Variants in TASP1 observed in about 807,000 individuals in gnomAD.
TASP1 encodes taspase 1.
TASP1 carries 16 observed loss-of-function variants against 56.6 expected under a neutral mutation model. That is an observed-to-expected ratio of 0.28 (90% CI 0.19 to 0.43). The LOEUF (loss-of-function observed/expected upper bound fraction) is 0.43. Ranked by LOEUF, TASP1 falls within the 20% of genes least tolerant of loss-of-function variation. The pLI, the probability that TASP1 is intolerant of heterozygous loss-of-function variation, is 1.00. For synonymous variants in TASP1, 179 were observed against 184.2 expected, an observed-to-expected ratio of 0.97 and a Z score of 0.23; for missense variants, 393 against 511.6, an observed-to-expected ratio of 0.77 and a Z score of 2.24.
chr20:13,561,625 C>G (rs1329644119), intron 7 of TASP1, among the ~76,000 whole-genome samples: 1 of 152,128 alleles, frequency 6.6e-6, no homozygotes, highest in Non-Finnish European at 1.5e-5. Flanking sequence ...CATCAGCCTC[C>G]CAAAGTGCTG....
chr20:13,430,584 A>T (rs1163652977), intron 12 of TASP1, among the ~76,000 whole-genome samples: 1 of 152,224 alleles, frequency 6.6e-6, no homozygotes, highest in East Asian at 1.9e-4. Context: ...GAGCCCAAGG[A>T]GGAAGCCACA....
At chr20:13,238,715 G>A in the TASP1 span, among the ~76,000 whole-genome samples, 3 of 152,190 alleles carry the variant, frequency 2.0e-5, no homozygotes, top group Admixed American at 6.5e-5. Flanking sequence ...TCTGACCCAG[G>A]TGGTGGAGAA....
At chr20:13,556,994 T>A (rs1282434087) in intron 8 of TASP1, among the ~76,000 whole-genome samples, 1 of 152,240 alleles carries the variant, frequency 6.6e-6, no homozygotes, top group Non-Finnish European at 1.5e-5. Flanking sequence ...GCTTCCTCCA[T>A]CTTGTTCACC....
At chr20:13,132,540 T>G in the TASP1 span, among the ~76,000 whole-genome samples, 1 of 152,140 alleles carries the variant, frequency 6.6e-6, no homozygotes, top group African/African-American at 2.4e-5. Flanking sequence ...TATTATCTGT[T>G]TGCCCTCACT....
At chr20:13,593,632 T>C (rs546734976) in intron 4 of TASP1, among the ~76,000 whole-genome samples, 1 of 152,174 alleles carries the variant, frequency 6.6e-6, no homozygotes, top group Non-Finnish European at 1.5e-5. Flanking sequence ...CCTGCGAGGC[T>C]GCAGCCTGGT....
intron 10 of TASP1, among the ~76,000 whole-genome samples, chr20:13,504,032 T>G (rs895371676): frequency 1.3e-5 from 2 of 152,052 alleles, no homozygotes; most frequent in Non-Finnish European, 2.9e-5. Context: ...GAAAGACACA[T>G]AGCTTTTTTT....
chr20:13,408,880 A>G (rs1175648706), intron 13 of TASP1, among the ~76,000 whole-genome samples: 1 of 151,730 alleles, frequency 6.6e-6, no homozygotes. Flanking sequence ...TTTCCTAATC[A>G]TTCTTTCTAA....
intron 13 of TASP1, chr20:13,393,199 C>T (rs1347711155): frequency 1.6e-5 from 11 of 709,622 alleles, no homozygotes; most frequent in Non-Finnish European, 2.9e-5. Context: ...GGATTCATGA[C>T]CACAGTCCAC....
intron 11 of TASP1, among the ~76,000 whole-genome samples, chr20:13,448,697 T>C (rs1432519732): frequency 6.6e-6 from 1 of 152,154 alleles, no homozygotes; most frequent in Non-Finnish European, 1.5e-5. Context: ...AGTATCTTTG[T>C]AGAATGTCTT....
At chr20:13,519,133 A>G (rs1379541397) in intron 10 of TASP1, among the ~76,000 whole-genome samples, 2 of 152,144 alleles carry the variant, frequency 1.3e-5, no homozygotes, top group African/African-American at 4.8e-5. Context: ...CATTGGGTAC[A>G]CATGGACATA....
chr20:13,505,929 CA>C (rs2044113055), intron 10 of TASP1, among the ~76,000 whole-genome samples: 1 of 151,704 alleles, frequency 6.6e-6, no homozygotes, highest in African/African-American at 2.4e-5. Flanking sequence ...TAAATAAAAT[CA>C]AGACTAGATA....
At chr20:13,285,141 T>C in the TASP1 span, among the ~76,000 whole-genome samples, 1 of 151,954 alleles carries the variant, frequency 6.6e-6, no homozygotes, top group East Asian at 1.9e-4. Flanking sequence ...TTTTGAAAAC[T>C]TTGGCCAGGC....
chr20:13,204,300 C>T, the TASP1 span, among the ~76,000 whole-genome samples: 2 of 152,072 alleles, frequency 1.3e-5, no homozygotes, highest in Non-Finnish European at 2.9e-5. Flanking sequence ...CCTGTCTGAG[C>T]CACTTTTATT....
chr20:13,139,067 T>G, the TASP1 span, among the ~76,000 whole-genome samples: 1 of 152,212 alleles, frequency 6.6e-6, no homozygotes, highest in Admixed American at 6.5e-5. Context: ...AGCGTGATTC[T>G]TAAGCATCCA....
chr20:13,162,158 C>G, the TASP1 span, among the ~76,000 whole-genome samples: 2 of 152,120 alleles, frequency 1.3e-5, no homozygotes, highest in African/African-American at 4.8e-5. Context: ...AGAAAATACC[C>G]TTGAAAATGT....
Position 13,536,697 on chromosome 20 carries a change from T to A in TASP1, c.676-2556A>T, listed in dbSNP as rs6042206. On this transcript the variant is annotated intron_variant, in intron 8 of 13. Coordinates refer to ENST00000337743, the MANE Select transcript of TASP1 (RefSeq NM_017714.3). Reference sequence around the variant, plus strand: ...TTTTTTCCCTAGCCCAAGTAAGGCATAATGTAAAGTGACTGTCTTCATCAG... The same window carrying A: ...TTTTTTCCCTAGCCCAAGTAAGGCAAAATGTAAAGTGACTGTCTTCATCAG... 3.6e-3 allele frequency among the ~76,000 whole-genome samples: 553 copies of A among 152,280 alleles called. 4 individuals are homozygous for A. Among genetic ancestry groups the A allele is most frequent in the African/African-American group, 0.012 (517 of 41,570 alleles).
intron 11 of TASP1, among the ~76,000 whole-genome samples, chr20:13,450,680 C>T (rs1018911047): frequency 2.0e-5 from 3 of 152,042 alleles, no homozygotes; most frequent in African/African-American, 7.2e-5. Flanking sequence ...ATATATCTAC[C>T]AAGTCTACAG....
At chr20:13,510,797 C>T (rs901753169) in intron 10 of TASP1, among the ~76,000 whole-genome samples, 1 of 152,136 alleles carries the variant, frequency 6.6e-6, no homozygotes, top group Non-Finnish European at 1.5e-5. Flanking sequence ...AGCACAGTAC[C>T]TGACCATGGC....
chr20:13,412,775 CT>C (rs2042132994), intron 13 of TASP1, among the ~76,000 whole-genome samples: 1 of 152,092 alleles, frequency 6.6e-6, no homozygotes, highest in East Asian at 1.9e-4. Context: ...AAAAATCCTA[CT>C]GAAAATTAAG....
Sources: allele counts gnomAD v4.1 joint callset (sites outside exome capture counted in the v4.1 genomes callset), GRCh38; gene constraint gnomAD v4.1.1; transcripts MANE v1.5; gene names NCBI Gene and HGNC (gene_info 2026-07-23, HGNC 2026-07-21).